Variants in SORCS3 observed in about 807,000 individuals in gnomAD.
SORCS3 encodes the protein VPS10 domain-containing receptor SorCS3.
Under a neutral mutation model 146.3 loss-of-function variants are expected in SORCS3, and 57 were observed. The observed-to-expected ratio is 0.39, with a 90% CI of 0.31 to 0.49. The LOEUF (loss-of-function observed/expected upper bound fraction) is 0.49. Among genes scored for constraint, SORCS3 ranks in the 20% least tolerant of loss-of-function variants. The pLI is 0.92. For synonymous variants in SORCS3, 653 were observed against 618.5 expected, an observed-to-expected ratio of 1.06 and a Z score of -0.83; for missense variants, 1,341 against 1,575.5, an observed-to-expected ratio of 0.85 and a Z score of 2.52.
intron 4 of SORCS3, among the ~76,000 whole-genome samples, chr10:104,989,384 G>A (rs982973435): frequency 6.6e-6 from 1 of 152,184 alleles, no homozygotes; most frequent in Non-Finnish European, 1.5e-5. Context: ...AAGTACCAAC[G>A]TGCATATTGT....
chr10:105,176,458 C>T (rs1055513611), intron 13 of SORCS3, among the ~76,000 whole-genome samples: 4 of 152,052 alleles, frequency 2.6e-5, no homozygotes, highest in East Asian at 1.9e-4. Context: ...GAGGCTGAGG[C>T]GGGATAATCA....
chr10:104,967,822 C>A (rs1287809683), intron 3 of SORCS3, among the ~76,000 whole-genome samples: 1 of 151,364 alleles, frequency 6.6e-6, no homozygotes, highest in Admixed American at 6.6e-5. Context: ...CCACACCAGA[C>A]TAATTTTTTT....
chr10:104,948,966 A>G (rs1234816570), intron 3 of SORCS3, among the ~76,000 whole-genome samples: 2 of 152,208 alleles, frequency 1.3e-5, no homozygotes. Context: ...AGCCAATTCA[A>G]GCCAATTTGT....
intron 3 of SORCS3, among the ~76,000 whole-genome samples, chr10:104,930,814 G>A (rs1222770807): frequency 6.6e-6 from 1 of 152,132 alleles, no homozygotes; most frequent in Non-Finnish European, 1.5e-5. Flanking sequence ...ATACTTATAA[G>A]CTTCTCTTTC....
chr10:104,873,925 C>T (rs1390418448), intron 2 of SORCS3, among the ~76,000 whole-genome samples: 1 of 152,150 alleles, frequency 6.6e-6, no homozygotes, highest in African/African-American at 2.4e-5. Context: ...AATTGCTATC[C>T]CATGGATATC....
intron 7 of SORCS3, among the ~76,000 whole-genome samples, chr10:105,109,902 T>C (rs1215590744): frequency 6.6e-6 from 1 of 152,106 alleles, no homozygotes; most frequent in Non-Finnish European, 1.5e-5. Context: ...TTTTGTTAAA[T>C]AGATTGAATT....
At position 105,016,151 on chromosome 10, in the gene SORCS3, A is replaced by AT. The variant is rs1198872555; in HGVS notation, c.955-26903dup. 4.8e-3 allele frequency among the ~76,000 whole-genome samples: 505 copies of AT among 104,504 alleles called. 7 individuals are homozygous for AT. The highest frequency in any genetic ancestry group is 0.014 in the African/African-American group (252 of 18,134). 68.6% of individuals were successfully genotyped at this position (104,504 alleles called of 152,430 possible). The stretch of plus-strand genomic sequence containing the variant: ...ATTATATAAATATATATATATATAT[A>AT]TATATTTTTTTTTTTTTTTGAGATG... On this transcript the variant is annotated intron_variant, in intron 4 of 26. Transcript: ENST00000369701.
At chr10:105,110,072 C>A (rs1242755316) in intron 7 of SORCS3, among the ~76,000 whole-genome samples, 1 of 151,922 alleles carries the variant, frequency 6.6e-6, no homozygotes, top group African/African-American at 2.4e-5. Flanking sequence ...CCATCCCAAC[C>A]CTTTTTTACT....
intron 13 of SORCS3, among the ~76,000 whole-genome samples, chr10:105,169,808 T>C (rs183023741): frequency 1.4e-3 from 207 of 152,256 alleles, no homozygotes; most frequent in African/African-American, 4.6e-3. Flanking sequence ...AGCTTGTTTT[T>C]AAACCAAGCA....
intron 4 of SORCS3, among the ~76,000 whole-genome samples, chr10:104,986,762 G>A (rs924906074): frequency 1.4e-4 from 21 of 152,152 alleles, no homozygotes; most frequent in Non-Finnish European, 2.9e-4. Flanking sequence ...GGAGCATTAG[G>A]ACACACATAT....
chr10:105,258,984 T>A (rs934014928), intron 25 of SORCS3, among the ~76,000 whole-genome samples: 13 of 152,196 alleles, frequency 8.5e-5, no homozygotes, highest in African/African-American at 3.1e-4. Context: ...GATTTTCTTT[T>A]ATTTTTTTGG....
intron 16 of SORCS3, among the ~76,000 whole-genome samples, chr10:105,202,290 C>A (rs2056578856): frequency 6.6e-6 from 1 of 152,168 alleles, no homozygotes; most frequent in African/African-American, 2.4e-5. Flanking sequence ...CCTGCAATTA[C>A]CTTTATGTCA....
chr10:105,011,830 G>A (rs2055137780), intron 4 of SORCS3, among the ~76,000 whole-genome samples: 1 of 152,152 alleles, frequency 6.6e-6, no homozygotes, highest in East Asian at 1.9e-4. Context: ...GGTACATCAT[G>A]AAACAGAACC....
At chr10:104,645,709 C>G (rs984401946) in intron 1 of SORCS3, among the ~76,000 whole-genome samples, 2 of 152,210 alleles carry the variant, frequency 1.3e-5, no homozygotes, top group Non-Finnish European at 2.9e-5. Flanking sequence ...CCTGAGCGTA[C>G]TAGTAGGTGT....
intron 20 of SORCS3, among the ~76,000 whole-genome samples, chr10:105,242,841 T>TA (rs375286268): frequency 0.068 from 7,097 of 104,444 alleles, 303 homozygotes; most frequent in South Asian, 0.11. Context: ...TATATATATA[T>TA]TTTTATATAT....
chr10:104,817,081 A>C (rs182311385), intron 1 of SORCS3, among the ~76,000 whole-genome samples: 1 of 152,238 alleles, frequency 6.6e-6, no homozygotes, highest in East Asian at 1.9e-4. Context: ...TGTTTCCAAC[A>C]CCCAGACAGC....
chr10:105,009,564 T>C (rs1182885593), intron 4 of SORCS3, among the ~76,000 whole-genome samples: 2 of 143,250 alleles, frequency 1.4e-5, no homozygotes, highest in East Asian at 4.2e-4. Flanking sequence ...CCAAAAACTG[T>C]AGTGAGAGGA....
At chr10:105,167,155 C>T (rs1423425631) in intron 12 of SORCS3, 103 bp from the exon 13 acceptor site, 1 of 891,944 alleles carries the variant, frequency 1.1e-6, no homozygotes, top group Admixed American at 2.4e-5. Context: ...TTGGAAGGCT[C>T]AGAACCTAGA....
At chr10:104,739,627 G>A (rs2016817653) in intron 1 of SORCS3, among the ~76,000 whole-genome samples, 1 of 152,162 alleles carries the variant, frequency 6.6e-6, no homozygotes, top group Non-Finnish European at 1.5e-5. Flanking sequence ...AGGTCAACAG[G>A]GCTTTCTGGA....
Sources: allele counts gnomAD v4.1 joint callset (sites outside exome capture counted in the v4.1 genomes callset), GRCh38; gene constraint gnomAD v4.1.1; transcripts MANE v1.5; gene names NCBI Gene and HGNC (gene_info 2026-07-23, HGNC 2026-07-21).